VPS13B: variants seen among roughly 807,000 people sequenced by gnomAD.
The protein encoded by VPS13B is intermembrane lipid transfer protein VPS13B.
Under a neutral mutation model 426.4 loss-of-function variants are expected in VPS13B, and 285 were observed. The observed-to-expected ratio is 0.67, with a 90% CI of 0.61 to 0.74. VPS13B has a LOEUF of 0.74. Ranked by LOEUF, VPS13B falls within the 30% of genes least tolerant of loss-of-function variation. The pLI is 0.00. For missense variants in VPS13B, 4,537 were observed against 4,782.6 expected (o/e 0.95, Z 1.51); for synonymous variants, 1,676 against 1,676.4 (o/e 1.00, Z 0.01).
At chr8:99,151,543 T>C (rs942389332) in intron 14 of VPS13B, among the ~76,000 whole-genome samples, 12 of 152,106 alleles carry the variant, frequency 7.9e-5, no homozygotes, top group Non-Finnish European at 1.6e-4. Context: ...CTTCTTTGTT[T>C]TTTTTTTGAG....
At chr8:99,745,354 T>C (rs933212496) in intron 39 of VPS13B, among the ~76,000 whole-genome samples, 1 of 152,130 alleles carries the variant, frequency 6.6e-6, no homozygotes, top group South Asian at 2.1e-4. Flanking sequence ...TTTTCTATTA[T>C]GAAAAATTTC....
intron 39 of VPS13B, among the ~76,000 whole-genome samples, chr8:99,748,094 C>A (rs1472957782): frequency 6.6e-6 from 1 of 151,988 alleles, no homozygotes; most frequent in African/African-American, 2.4e-5. Context: ...TGTAATGTAT[C>A]CCCTAAATAG....
chr8:99,032,253 C>A (rs988499100), intron 2 of VPS13B, among the ~76,000 whole-genome samples: 3 of 151,138 alleles, frequency 2.0e-5, no homozygotes, highest in Non-Finnish European at 2.9e-5. Context: ...AGACACTAAA[C>A]TCAAACTGCT....
chr8:99,755,898 CTT>C (rs1205418360), intron 39 of VPS13B, among the ~76,000 whole-genome samples: 1 of 151,676 alleles, frequency 6.6e-6, no homozygotes, highest in African/African-American at 2.4e-5. Context: ...ATTATAAAAT[CTT>C]ATATCATTAA....
chr8:99,668,856 T>C (rs575012081), intron 35 of VPS13B, among the ~76,000 whole-genome samples: 11 of 152,254 alleles, frequency 7.2e-5, no homozygotes, highest in African/African-American at 2.6e-4. Flanking sequence ...GTCATTTTAA[T>C]ACACAATCTA....
intron 19 of VPS13B, among the ~76,000 whole-genome samples, chr8:99,342,784 T>C (rs1343124038): frequency 1.3e-5 from 2 of 152,184 alleles, no homozygotes; most frequent in Non-Finnish European, 2.9e-5. Context: ...CTGAGCCATA[T>C]GGTAATCTTA....
chr8:99,756,397 G>A (rs1331519916), intron 39 of VPS13B, among the ~76,000 whole-genome samples: 2 of 152,134 alleles, frequency 1.3e-5, no homozygotes, highest in Admixed American at 6.5e-5. Flanking sequence ...TATGCATAGG[G>A]GAAGTCCCAG....
At chr8:99,097,303 C>T (rs759865936) in intron 4 of VPS13B, among the ~76,000 whole-genome samples, 17 of 152,098 alleles carry the variant, frequency 1.1e-4, no homozygotes, top group African/African-American at 3.1e-4. Flanking sequence ...TTACAGAAAA[C>T]GTGATCATTA....
At chr8:99,403,976 G>GT (rs946861252) in intron 21 of VPS13B, among the ~76,000 whole-genome samples, 2 of 152,090 alleles carry the variant, frequency 1.3e-5, no homozygotes, top group African/African-American at 2.4e-5. Flanking sequence ...CTTTGTTTTA[G>GT]TTTTTTTAAA....
intron 33 of VPS13B, among the ~76,000 whole-genome samples, chr8:99,627,911 C>T (rs1247205008): frequency 2.6e-5 from 4 of 152,188 alleles, no homozygotes; most frequent in African/African-American, 9.7e-5. Flanking sequence ...TGCATCCCCT[C>T]TCTCCTACGC....
intron 33 of VPS13B, among the ~76,000 whole-genome samples, chr8:99,603,402 G>C (rs1310860815): frequency 3.3e-5 from 5 of 152,176 alleles, no homozygotes; most frequent in African/African-American, 9.7e-5. Flanking sequence ...ATTAGTCACA[G>C]TGAGAGATTA....
intron 35 of VPS13B, chr8:99,697,280 G>T: frequency 1.7e-6 from 1 of 580,044 alleles, no homozygotes; most frequent in East Asian, 3.1e-5. Flanking sequence ...AGGAGCTGCA[G>T]AAGCGCTCGG....
At chr8:99,282,143 T>C (rs1258166619) in intron 19 of VPS13B, among the ~76,000 whole-genome samples, 2 of 152,184 alleles carry the variant, frequency 1.3e-5, no homozygotes, top group Non-Finnish European at 2.9e-5. Context: ...ACCTTGATTC[T>C]GCCTTCTTTC....
intron 29 of VPS13B, among the ~76,000 whole-genome samples, chr8:99,512,938 G>A (rs1391002371): frequency 2.0e-5 from 3 of 151,776 alleles, no homozygotes; most frequent in Non-Finnish European, 4.4e-5. Context: ...GAACCCAGGA[G>A]GTGTAGGTTG....
intron 34 of VPS13B, among the ~76,000 whole-genome samples, chr8:99,648,978 A>G (rs1055696467): frequency 6.6e-6 from 1 of 150,380 alleles, no homozygotes; most frequent in Non-Finnish European, 1.5e-5. Context: ...TTCCTGAAGG[A>G]TATTTTTGCT....
chr8:99,283,164 A>T (rs911768527), intron 19 of VPS13B, among the ~76,000 whole-genome samples: 3 of 152,172 alleles, frequency 2.0e-5, no homozygotes, highest in African/African-American at 7.2e-5. Context: ...TTCTGCTCCT[A>T]ATGTAGAAAT....
At chr8:99,715,925 T>A (rs1204562865) in intron 36 of VPS13B, among the ~76,000 whole-genome samples, 5 of 152,124 alleles carry the variant, frequency 3.3e-5, no homozygotes, top group Non-Finnish European at 7.4e-5. Flanking sequence ...TTAATAAAGA[T>A]GGTTTTTTAT....
intron 24 of VPS13B, among the ~76,000 whole-genome samples, chr8:99,474,664 A>G (rs956858308): frequency 6.6e-6 from 1 of 152,194 alleles, no homozygotes; most frequent in Non-Finnish European, 1.5e-5. Flanking sequence ...AGAAATAGAA[A>G]TACACACCTA....
chr8:99,691,274 TTGA>T (rs1424418137), intron 35 of VPS13B, among the ~76,000 whole-genome samples: 1 of 150,308 alleles, frequency 6.7e-6, no homozygotes, highest in Non-Finnish European at 1.5e-5. Context: ...TGTGTGTGTG[TTGA>T]TTATGATGTT....
Sources: allele counts gnomAD v4.1 joint callset (sites outside exome capture counted in the v4.1 genomes callset), GRCh38; gene constraint gnomAD v4.1.1; transcripts MANE v1.5; gene names NCBI Gene and HGNC (gene_info 2026-07-23, HGNC 2026-07-21).